The following IFT80 variants were observed in gnomAD, a reference collection of about 807,000 sequenced individuals.
IFT80 encodes the protein intraflagellar transport 80.
Under a neutral mutation model 107.9 loss-of-function variants are expected in IFT80, and 79 were observed. That is an observed-to-expected ratio of 0.73 (90% confidence interval 0.61 to 0.88). IFT80 has a LOEUF of 0.88. Among genes scored for constraint, IFT80 ranks in the 40% least tolerant of loss-of-function variants. IFT80 has a pLI of 0.00. For synonymous variants in IFT80, 299 were observed against 300.9 expected (o/e 0.99, Z 0.07); for missense variants, 797 against 914.2 (o/e 0.87, Z 1.65).
At chr3:160,286,035 A>G (rs1234937653) in intron 12 of IFT80, among the ~76,000 whole-genome samples, 167 bp from the exon 13 acceptor site, 5 of 152,170 alleles carry the variant, frequency 3.3e-5, no homozygotes, top group African/African-American at 9.7e-5. Flanking sequence ...TTCTTATGAA[A>G]ACAATAAAAC....
chr3:160,308,329 A>C (rs935173756), intron 9 of IFT80, among the ~76,000 whole-genome samples: 2 of 152,150 alleles, frequency 1.3e-5, no homozygotes, highest in Non-Finnish European at 2.9e-5. Flanking sequence ...AAAAACACAA[A>C]GACAGTGTCT....
chr3:160,274,347 G>A (rs548308830), intron 18 of IFT80, among the ~76,000 whole-genome samples: 2 of 152,174 alleles, frequency 1.3e-5, no homozygotes, highest in South Asian at 4.2e-4. Flanking sequence ...GGTCAAGGAG[G>A]TACAAGAAAT....
intron 1 of IFT80, among the ~76,000 whole-genome samples, chr3:160,385,709 A>G (rs1319277238): frequency 6.6e-6 from 1 of 152,220 alleles, no homozygotes; most frequent in Non-Finnish European, 1.5e-5. Context: ...CTAGAATACA[A>G]CGTCTCCCAG....
At chr3:160,394,401 C>T (rs1198841159) in intron 1 of IFT80, 1 of 152,060 alleles carries the variant, frequency 6.6e-6, no homozygotes, top group African/African-American at 2.4e-5. Flanking sequence ...TGTCCTGGGC[C>T]GCATGTGGCC....
rs1029808287 is a variant in IFT80 at position 160,382,275 on chromosome 3, T to G, written c.38-551A>C. 3.3e-5 allele frequency among the ~76,000 whole-genome samples: 5 copies of G among 152,178 alleles called. 1 individual carries two copies. Among genetic ancestry groups the G allele is most frequent in the Admixed American group, 1.3e-4 (2 of 15,278 alleles). On this transcript the variant is annotated intron_variant, in intron 2 of 19. Coordinates refer to ENST00000326448, the MANE Select transcript of IFT80 (RefSeq NM_020800.3). ...ATAACAATTCACCTAGGAAAGAACT[T>G]ATGGTTTAACAGCTGAAACTAAAAT...
intron 5 of IFT80, among the ~76,000 whole-genome samples, chr3:160,371,867 T>A (rs577379913): frequency 6.6e-6 from 1 of 152,336 alleles, no homozygotes; most frequent in South Asian, 2.1e-4. Flanking sequence ...TTTGCAGCAT[T>A]ACTTTATATA....
chr3:160,296,250 A>C (rs561369661), intron 12 of IFT80, among the ~76,000 whole-genome samples: 61 of 152,346 alleles, frequency 4.0e-4, no homozygotes, highest in Non-Finnish European at 6.9e-4. Context: ...AGTATTCATT[A>C]AGATCATGTA....
chr3:160,262,647 A>C (rs1712948047), intron 19 of IFT80, among the ~76,000 whole-genome samples: 2 of 152,226 alleles, frequency 1.3e-5, no homozygotes, highest in South Asian at 4.2e-4. Flanking sequence ...TTTTTGGTAG[A>C]TTGCTCTGGA....
intron 18 of IFT80, among the ~76,000 whole-genome samples, chr3:160,276,247 G>A (rs998695408): frequency 1.3e-5 from 2 of 151,656 alleles, no homozygotes. Flanking sequence ...TGTTAATAAG[G>A]GACAAAAATA....
chr3:160,393,405 G>T (rs1187880346), intron 1 of IFT80, among the ~76,000 whole-genome samples: 3 of 152,156 alleles, frequency 2.0e-5, no homozygotes, highest in Non-Finnish European at 4.4e-5. Context: ...TATGCTAATT[G>T]AAAAAAGCTA....
At chr3:160,320,130 A>C in intron 8 of IFT80, 191 bp from the exon 9 acceptor site, 1 of 573,890 alleles carries the variant, frequency 1.7e-6, no homozygotes, top group Non-Finnish European at 3.1e-6. Context: ...TCCACAGTAG[A>C]ACATCATGCT....
chr3:160,306,009 T>C (rs751188626), intron 10 of IFT80, among the ~76,000 whole-genome samples: 5 of 152,168 alleles, frequency 3.3e-5, no homozygotes, highest in Non-Finnish European at 7.4e-5. Flanking sequence ...TTTAAAACTT[T>C]ATGAAATATG....
chr3:160,311,673 G>A (rs1360546343), intron 9 of IFT80, among the ~76,000 whole-genome samples: 1 of 152,150 alleles, frequency 6.6e-6, no homozygotes, highest in Non-Finnish European at 1.5e-5. Flanking sequence ...GCAGGAGTAA[G>A]GAAGACATCT....
At chr3:160,386,510 C>A (rs1425837272) in intron 1 of IFT80, among the ~76,000 whole-genome samples, 1 of 152,124 alleles carries the variant, frequency 6.6e-6, no homozygotes, top group Admixed American at 6.5e-5. Context: ...GTAGCAGCAA[C>A]CATGTCTTTG....
chr3:160,316,766 T>C (rs1241871406), intron 9 of IFT80, among the ~76,000 whole-genome samples: 4 of 152,094 alleles, frequency 2.6e-5, no homozygotes, highest in Non-Finnish European at 5.9e-5. Context: ...AGGCTGAGAT[T>C]TCTCCTGGAA....
intron 9 of IFT80, among the ~76,000 whole-genome samples, chr3:160,311,592 G>A (rs796138614): frequency 1.4e-4 from 22 of 152,304 alleles, no homozygotes; most frequent in African/African-American, 5.1e-4. Context: ...AAAGAGGGGA[G>A]TAGTCTGATG....
At chr3:160,278,893 T>C (rs936199060) in intron 16 of IFT80, among the ~76,000 whole-genome samples, 1 of 152,194 alleles carries the variant, frequency 6.6e-6, no homozygotes, top group Non-Finnish European at 1.5e-5. Context: ...TCAATCCAGA[T>C]ATAATGAATT....
intron 12 of IFT80, among the ~76,000 whole-genome samples, chr3:160,290,934 T>A (rs556635272): frequency 6.6e-6 from 1 of 152,300 alleles, no homozygotes; most frequent in East Asian, 1.9e-4. Context: ...TATGTCTGAC[T>A]GGAGAGCGTT....
intron 9 of IFT80, among the ~76,000 whole-genome samples, chr3:160,311,347 C>A (rs1717234684): frequency 6.6e-6 from 1 of 151,900 alleles, no homozygotes; most frequent in Admixed American, 6.6e-5. Flanking sequence ...TAAAAACAAA[C>A]CAACTAGAAA....
Sources: gnomAD v4.1 joint callset for allele counts (sites outside exome capture counted in the v4.1 genomes callset) on GRCh38, gnomAD v4.1.1 for gene constraint, MANE v1.5 for transcripts, NCBI Gene and HGNC (gene_info 2026-07-23, HGNC 2026-07-21) for gene names.